Variants in NRXN3 observed in about 807,000 individuals in gnomAD.
NRXN3 encodes the protein neurexin 3, also known as neurexin III.
NRXN3 carries 32 observed loss-of-function variants against 137.6 expected under a neutral mutation model. That is an observed-to-expected ratio of 0.23 (90% CI 0.18 to 0.31). NRXN3 has a LOEUF of 0.31. NRXN3 is among the 10% of genes least tolerant of loss of function. The pLI is 1.00. For synonymous variants in NRXN3, 798 were observed against 784.5 expected, an observed-to-expected ratio of 1.02 and a Z score of -0.29; for missense variants, 1,574 against 2,062.5, an observed-to-expected ratio of 0.76 and a Z score of 4.59.
intron 9 of NRXN3, among the ~76,000 whole-genome samples, chr14:78,806,280 T>C (rs1023581858): frequency 1.3e-5 from 2 of 152,204 alleles, no homozygotes; most frequent in African/African-American, 4.8e-5. Flanking sequence ...TAAACTCTCA[T>C]GCTTGTGTAA....
At chr14:79,121,888 A>C (rs1295496601) in intron 15 of NRXN3, among the ~76,000 whole-genome samples, 1 of 152,244 alleles carries the variant, frequency 6.6e-6, no homozygotes, top group Non-Finnish European at 1.5e-5. Context: ...TGCATATTAC[A>C]ACCAAGCAAA....
At chr14:78,371,460 G>A (rs1032830716) in intron 4 of NRXN3, among the ~76,000 whole-genome samples, 3 of 152,152 alleles carry the variant, frequency 2.0e-5, no homozygotes, top group African/African-American at 7.2e-5. Context: ...GACCGTTTGT[G>A]TGACCTGATT....
intron 4 of NRXN3, among the ~76,000 whole-genome samples, chr14:78,338,915 C>A (rs2081827122): frequency 6.6e-6 from 1 of 152,260 alleles, no homozygotes; most frequent in Admixed American, 6.5e-5. Flanking sequence ...GTGACTTGCC[C>A]AAGGTGGTGG....
At chr14:78,804,945 G>A (rs1037560645) in intron 9 of NRXN3, among the ~76,000 whole-genome samples, 8 of 152,138 alleles carry the variant, frequency 5.3e-5, no homozygotes, top group African/African-American at 1.9e-4. Context: ...TCAGTGAAAT[G>A]GTTTGTCAGA....
At chr14:78,895,238 T>A (rs1419678081) in intron 10 of NRXN3, among the ~76,000 whole-genome samples, 1 of 151,866 alleles carries the variant, frequency 6.6e-6, no homozygotes, top group Non-Finnish European at 1.5e-5. Context: ...CTTGGTGTAG[T>A]CACCTTCATC....
At chr14:79,053,137 C>T (rs577692380) in intron 15 of NRXN3, among the ~76,000 whole-genome samples, 2 of 152,304 alleles carry the variant, frequency 1.3e-5, no homozygotes, top group East Asian at 3.9e-4. Context: ...AACAAGGATG[C>T]TATTCTCATG....
chr14:78,193,782 G>C (rs892247582), intron 1 of NRXN3, among the ~76,000 whole-genome samples: 1 of 108,442 alleles, frequency 9.2e-6, no homozygotes, highest in Non-Finnish European at 2.0e-5. Context: ...AAAAAAAAAA[G>C]TTATGTCTGA....
At chr14:78,705,590 C>T (rs1482001516) in intron 6 of NRXN3, among the ~76,000 whole-genome samples, 1 of 152,112 alleles carries the variant, frequency 6.6e-6, no homozygotes, top group African/African-American at 2.4e-5. Flanking sequence ...TTATTTCTTC[C>T]TAGGTTTGTG....
chr14:79,643,738 C>T (rs1040574297), intron 16 of NRXN3, among the ~76,000 whole-genome samples: 2 of 135,072 alleles, frequency 1.5e-5, no homozygotes, highest in East Asian at 2.0e-4. Context: ...TTTCCTCAAC[C>T]TTATTTCTGT....
chr14:78,692,419 A>G (rs993187156), intron 6 of NRXN3, among the ~76,000 whole-genome samples: 5 of 152,240 alleles, frequency 3.3e-5, no homozygotes, highest in Non-Finnish European at 5.9e-5. Context: ...ATGGTGGGAT[A>G]CTGCTTCAAA....
In NRXN3 at chr14:79,142,425, C is replaced by CA. The variant is rs771133096; in HGVS notation, c.3262+154296dup. ...TGGGAGACATAGTGAGACTCCGTTT[C>CA]AAAAAAAAAAAAGTAAAGGGCAGAC... On this transcript the variant is annotated intron_variant, in intron 15 of 20. Coordinates refer to ENST00000335750, the MANE Select transcript of NRXN3 (RefSeq NM_001330195.2). 5.1e-3 allele frequency among the ~76,000 whole-genome samples: 667 copies of CA among 131,222 alleles called. 4 individuals carry two copies. Among genetic ancestry groups the CA allele is most frequent in the Non-Finnish European group, 6.6e-3 (400 of 60,736 alleles). The allele number at this position is 131,222 out of a possible 152,430, so 86.1% of individuals were successfully genotyped here. A position where few individuals can be genotyped will look rare whatever the true frequency, so the allele number is the denominator to read the frequency against.
intron 15 of NRXN3, among the ~76,000 whole-genome samples, chr14:79,349,105 C>T (rs1683590261): frequency 6.6e-6 from 1 of 152,094 alleles, no homozygotes; most frequent in Non-Finnish European, 1.5e-5. Flanking sequence ...TTATGGATTT[C>T]CTAGTGCATA....
At chr14:79,030,642 T>TTC in intron 15 of NRXN3, among the ~76,000 whole-genome samples, 1 of 147,904 alleles carries the variant, frequency 6.8e-6, no homozygotes, top group South Asian at 2.2e-4. Context: ...TGTCTTTTTT[T>TTC]TTTTTTTTTT....
intron 15 of NRXN3, among the ~76,000 whole-genome samples, chr14:79,006,357 A>C (rs112303094): frequency 0.016 from 2,360 of 150,168 alleles, 69 homozygotes; most frequent in African/African-American, 0.053. Context: ...AACAAACAAA[A>C]ACCCCAAAAG....
At chr14:78,744,944 C>T (rs925721030) in intron 8 of NRXN3, 2 of 152,168 alleles carry the variant, frequency 1.3e-5, no homozygotes, top group South Asian at 2.1e-4. Context: ...GAGTCAGAAT[C>T]CTGATCAGCA....
chr14:79,248,343 G>A (rs1413846718), intron 15 of NRXN3, among the ~76,000 whole-genome samples: 6 of 152,050 alleles, frequency 3.9e-5, no homozygotes, highest in Admixed American at 3.9e-4. Flanking sequence ...ATGCACTGTG[G>A]CTCCACTCCA....
intron 6 of NRXN3, among the ~76,000 whole-genome samples, chr14:78,700,717 A>T (rs1209845519): frequency 6.6e-6 from 1 of 152,172 alleles, no homozygotes; most frequent in Non-Finnish European, 1.5e-5. Context: ...ATAGACTGTG[A>T]TAGACTGAGC....
intron 8 of NRXN3, among the ~76,000 whole-genome samples, chr14:78,758,440 C>T (rs1216302928): frequency 6.6e-6 from 1 of 152,196 alleles, no homozygotes; most frequent in African/African-American, 2.4e-5. Flanking sequence ...ACAACCTGAA[C>T]TCCATTGCTT....
chr14:78,193,757 G>T (rs2060957975), intron 1 of NRXN3, among the ~76,000 whole-genome samples: 1 of 79,810 alleles, frequency 1.3e-5, no homozygotes, highest in Non-Finnish European at 2.5e-5. Context: ...ATGAAACTCT[G>T]TCTCAAAAAA....
Sources: gnomAD v4.1 joint callset for allele counts (sites outside exome capture counted in the v4.1 genomes callset) on GRCh38, gnomAD v4.1.1 for gene constraint, MANE v1.5 for transcripts, NCBI Gene and HGNC (gene_info 2026-07-23, HGNC 2026-07-21) for gene names.